DPP6: variants seen among roughly 807,000 people sequenced by gnomAD.
The protein encoded by DPP6 is A-type potassium channel modulatory protein DPP6.
In DPP6, 69 loss-of-function variants were observed where a neutral mutation model predicts 122.6. That is an observed-to-expected ratio of 0.56 (90% CI 0.46 to 0.69). The LOEUF (loss-of-function observed/expected upper bound fraction) is 0.69, where lower values mean the gene tolerates loss of function less well. Ranked by LOEUF, DPP6 falls within the 30% of genes least tolerant of loss-of-function variation. The probability of loss-of-function intolerance (pLI) is 0.00; values close to 1 mark genes in which losing one functional copy is unlikely to be tolerated. For synonymous variants in DPP6, 418 were observed against 433.1 expected, an observed-to-expected ratio of 0.97 and a Z score of 0.43; for missense variants, 928 against 1,116.9, an observed-to-expected ratio of 0.83 and a Z score of 2.41.
chr7:154,122,903 C>T (rs1420728354), intron 1 of DPP6, among the ~76,000 whole-genome samples: 1 of 152,258 alleles, frequency 6.6e-6, no homozygotes, highest in Non-Finnish European at 1.5e-5. Flanking sequence ...CTCCCTCTGC[C>T]CATCCTCCTC....
chr7:153,962,484 A>T (rs572997442), intron 1 of DPP6, among the ~76,000 whole-genome samples: 101 of 152,246 alleles, frequency 6.6e-4, no homozygotes, highest in South Asian at 4.0e-3. Flanking sequence ...ATCTAAGATC[A>T]TATGGTCACT....
the DPP6 span, among the ~76,000 whole-genome samples, chr7:153,755,255 A>G: frequency 6.8e-6 from 1 of 146,218 alleles, no homozygotes; most frequent in African/African-American, 2.5e-5. Context: ...CTCAGGGGAC[A>G]ACTAGAGATT....
intron 5 of DPP6, among the ~76,000 whole-genome samples, chr7:154,590,276 G>A (rs908311336): frequency 1.3e-4 from 20 of 152,048 alleles, no homozygotes; most frequent in African/African-American, 3.9e-4. Flanking sequence ...GGGTAGAGAT[G>A]ATGCAAAACC....
chr7:153,818,671 A>G, the DPP6 span, among the ~76,000 whole-genome samples: 1 of 151,696 alleles, frequency 6.6e-6, no homozygotes, highest in Non-Finnish European at 1.5e-5. Context: ...AGTGGGCATA[A>G]TAAACACTGA....
intron 1 of DPP6, among the ~76,000 whole-genome samples, chr7:154,358,607 C>A (rs1811467143): frequency 6.6e-6 from 1 of 152,180 alleles, no homozygotes; most frequent in Admixed American, 6.5e-5. Context: ...GAGAGTTGCA[C>A]TTATCCTATT....
intron 1 of DPP6, among the ~76,000 whole-genome samples, chr7:154,086,112 G>C (rs1427980620): frequency 6.6e-6 from 1 of 152,168 alleles, no homozygotes; most frequent in Non-Finnish European, 1.5e-5. Context: ...TTTAGAGATA[G>C]AGACATAAAT....
At chr7:154,563,052 A>G (rs1005432102) in intron 4 of DPP6, among the ~76,000 whole-genome samples, 1 of 152,240 alleles carries the variant, frequency 6.6e-6, no homozygotes, top group African/African-American at 2.4e-5. Flanking sequence ...ACCTAGAGAA[A>G]CAAATCAGAG....
At chr7:154,637,499 C>T (rs1835801456) in intron 5 of DPP6, among the ~76,000 whole-genome samples, 1 of 152,200 alleles carries the variant, frequency 6.6e-6, no homozygotes, top group Non-Finnish European at 1.5e-5. Flanking sequence ...CTGATGGTCT[C>T]CAATGACCAA....
intron 3 of DPP6, among the ~76,000 whole-genome samples, chr7:154,479,556 T>TCA (rs1554563486): frequency 1.1e-4 from 3 of 27,130 alleles, no homozygotes; most frequent in Non-Finnish European, 2.5e-4. Flanking sequence ...AGACTCCATC[T>TCA]CAAAAAAAAA....
chr7:154,276,373 G>A (rs2150942563), intron 1 of DPP6, among the ~76,000 whole-genome samples: 1 of 152,316 alleles, frequency 6.6e-6, no homozygotes, highest in East Asian at 1.9e-4. Flanking sequence ...GTCACAGTGG[G>A]TGTGACATAC....
Position 154,815,147 on chromosome 7 carries a change from T to C in DPP6, c.1666+8035T>C, listed in dbSNP as rs150405745. Among the ~76,000 whole-genome samples the C allele has an allele frequency of 2.6e-3, 389 of 152,332 alleles. 3 individuals are homozygous for C. Among genetic ancestry groups the C allele is most frequent in the Middle Eastern group, 6.8e-3 (2 of 294 alleles). ...AACACAAAATTAAGGGCAGCCACAC[T>C]AGACTGTGCCAGAGACAGTTCTTAA... On this transcript the variant is annotated intron_variant, in intron 16 of 25. Transcript: ENST00000377770.
At chr7:154,254,377 G>C (rs890986199) in intron 1 of DPP6, among the ~76,000 whole-genome samples, 1 of 152,088 alleles carries the variant, frequency 6.6e-6, no homozygotes, top group Admixed American at 6.5e-5. Flanking sequence ...TGTAATTAGA[G>C]GTAGGCTTAC....
At chr7:153,797,155 C>T in the DPP6 span, among the ~76,000 whole-genome samples, 1 of 152,298 alleles carries the variant, frequency 6.6e-6, no homozygotes, top group African/African-American at 2.4e-5. Context: ...GCATCTCTGG[C>T]TGACACTTTC....
intron 1 of DPP6, among the ~76,000 whole-genome samples, chr7:154,044,950 G>A (rs1475991513): frequency 2.0e-5 from 3 of 151,970 alleles, no homozygotes; most frequent in African/African-American, 7.2e-5. Flanking sequence ...AATTGCATAT[G>A]TTCTGGCAAG....
In DPP6 at chr7:153,920,561, C is replaced by CTTTTTTTTTTTTTTTTT. The variant is rs1489811189; in HGVS notation, c.51+32828_51+32829insTTTTTTTTTTTTTTTTT. 6.9e-4 allele frequency among the ~76,000 whole-genome samples: 43 copies of CTTTTTTTTTTTTTTTTT among 62,462 alleles called. 6 individuals carry two copies. Among genetic ancestry groups the CTTTTTTTTTTTTTTTTT allele is most frequent in the East Asian group, 7.9e-4 (2 of 2,544 alleles). The allele number at this position is 62,462 out of a possible 152,430, so 41.0% of individuals were successfully genotyped here. On this transcript the variant is annotated intron_variant, in intron 1 of 25. Transcript: ENST00000404039. ...TAGTCAACCTTTTTCTTTTATCTCT[C>CTTTTTTTTTTTTTTTTT]TCTTTTTTTTTTTTTTTTTGAGATG...
intron 7 of DPP6, among the ~76,000 whole-genome samples, chr7:154,712,351 C>G (rs538930237): frequency 1.5e-3 from 221 of 152,092 alleles, no homozygotes; most frequent in Non-Finnish European, 2.7e-3. Context: ...AGTATAAAGT[C>G]TGAAAATATT....
At chr7:153,927,800 G>A (rs1800971683) in intron 1 of DPP6, among the ~76,000 whole-genome samples, 4 of 152,180 alleles carry the variant, frequency 2.6e-5, no homozygotes. Context: ...GGCTCCTGGA[G>A]GGTGGGGCTT....
the DPP6 span, among the ~76,000 whole-genome samples, chr7:153,832,093 A>G: frequency 2.2e-4 from 33 of 152,158 alleles, no homozygotes; most frequent in African/African-American, 7.5e-4. Flanking sequence ...GAGAGAAGCA[A>G]GTGGGTATGT....
chr7:154,005,959 C>A (rs549346193), intron 1 of DPP6, among the ~76,000 whole-genome samples: 2 of 152,222 alleles, frequency 1.3e-5, no homozygotes, highest in East Asian at 3.9e-4. Context: ...TTTTTTCCTG[C>A]TCACCTTATC....
Sources: gnomAD v4.1 joint callset for allele counts (sites outside exome capture counted in the v4.1 genomes callset) on GRCh38, gnomAD v4.1.1 for gene constraint, MANE v1.5 for transcripts, NCBI Gene and HGNC (gene_info 2026-07-23, HGNC 2026-07-21) for gene names.